The following EIPR1 variants were observed in gnomAD, a reference collection of about 807,000 sequenced individuals.
EIPR1 encodes EARP complex and GARP complex interacting protein 1, also known as EARP and GARP complex-interacting protein 1.
EIPR1 carries 25 observed loss-of-function variants against 48.1 expected under a neutral mutation model. The observed-to-expected ratio is 0.52, with a 90% CI of 0.38 to 0.73. The LOEUF is 0.73. EIPR1 is among the 30% of genes least tolerant of loss of function. The probability of loss-of-function intolerance (pLI) is 0.00; values close to 1 mark genes in which losing one functional copy is unlikely to be tolerated. For synonymous variants in EIPR1, 204 were observed against 201.9 expected, an observed-to-expected ratio of 1.01 and a Z score of -0.09; for missense variants, 415 against 506.2, an observed-to-expected ratio of 0.82 and a Z score of 1.73.
At chr2:3,227,295 T>C (rs917101058) in intron 4 of EIPR1, among the ~76,000 whole-genome samples, 4 of 152,216 alleles carry the variant, frequency 2.6e-5, no homozygotes, top group Non-Finnish European at 4.4e-5. Context: ...TACACTGATA[T>C]GGACAATAAA....
chr2:3,268,516 G>A (rs1342511897), intron 3 of EIPR1, among the ~76,000 whole-genome samples: 1 of 152,180 alleles, frequency 6.6e-6, no homozygotes, highest in Non-Finnish European at 1.5e-5. Context: ...ACCTGAGGGA[G>A]TTTCTTCACA....
At position 3,248,895 on chromosome 2, in the gene EIPR1, T is replaced by C. The variant is rs553144675; in HGVS notation, c.416+8404A>G. Among the ~76,000 whole-genome samples, 17 of 152,338 alleles carry C rather than the reference T, an allele frequency of 1.1e-4. No individual in the cohort carries two copies. In the South Asian group the frequency reaches 3.3e-3, roughly 30 times the overall value. The stretch of plus-strand genomic sequence containing the variant: ...CCTTCCACAATGATTGTAAGTTTCC[T>C]AAAGAATCACCAGGAACAGATGCTG... On this transcript the variant is annotated intron_variant, in intron 4 of 8. Coordinates refer to ENST00000382125, the MANE Select transcript of EIPR1 (RefSeq NM_003310.5).
chr2:3,239,987 A>G (rs1431313523), intron 4 of EIPR1, among the ~76,000 whole-genome samples: 1 of 151,892 alleles, frequency 6.6e-6, no homozygotes, highest in African/African-American at 2.4e-5. Context: ...GATCCTTCCC[A>G]AGGAAAGCCA....
At chr2:3,245,490 G>A (rs963084758) in intron 4 of EIPR1, among the ~76,000 whole-genome samples, 1 of 152,218 alleles carries the variant, frequency 6.6e-6, no homozygotes, top group Non-Finnish European at 1.5e-5. Flanking sequence ...TGAGATTATA[G>A]GCATAAGCCA....
At chr2:3,242,103 C>CT (rs1311141580) in intron 4 of EIPR1, among the ~76,000 whole-genome samples, 3 of 152,236 alleles carry the variant, frequency 2.0e-5, no homozygotes, top group Non-Finnish European at 4.4e-5. Flanking sequence ...GAGCTCCCGA[C>CT]TCGACACCAC....
At chr2:3,357,602 G>A (rs1239847915) in intron 1 of EIPR1, among the ~76,000 whole-genome samples, 1 of 152,134 alleles carries the variant, frequency 6.6e-6, no homozygotes, top group East Asian at 1.9e-4. Context: ...TAAGGCAAAT[G>A]CCAGCCTGTA....
intron 2 of EIPR1, among the ~76,000 whole-genome samples, chr2:3,340,568 C>G (rs937694328): frequency 2.6e-5 from 4 of 152,186 alleles, no homozygotes; most frequent in African/African-American, 4.8e-5. Flanking sequence ...TACTTATGAA[C>G]AGTTTTTTCC....
intron 5 of EIPR1, among the ~76,000 whole-genome samples, chr2:3,213,191 C>T (rs771202639): frequency 3.3e-5 from 5 of 152,202 alleles, no homozygotes; most frequent in African/African-American, 9.7e-5. Flanking sequence ...GTGCCGGCAA[C>T]GCAGCCCCCA....
chr2:3,257,504 CG>C, intron 3 of EIPR1, 49 bp from the exon 4 acceptor site: 1 of 1,598,052 alleles, frequency 6.3e-7, no homozygotes, highest in Non-Finnish European at 8.6e-7. Context: ...CGGTGTGCCC[CG>C]CATTCTGCAG....
At chr2:3,322,757 C>T (rs1287180372) in intron 3 of EIPR1, among the ~76,000 whole-genome samples, 1 of 152,196 alleles carries the variant, frequency 6.6e-6, no homozygotes, top group East Asian at 1.9e-4. Context: ...ATCCCAAATC[C>T]GCCCTTGCAC....
intron 3 of EIPR1, among the ~76,000 whole-genome samples, chr2:3,290,215 A>T (rs1352138321): frequency 6.6e-6 from 1 of 152,230 alleles, no homozygotes; most frequent in Non-Finnish European, 1.5e-5. Context: ...GCTCACCCGG[A>T]TGCAGCCCCC....
At chr2:3,239,979 T>A (rs1156748138) in intron 4 of EIPR1, among the ~76,000 whole-genome samples, 1 of 151,176 alleles carries the variant, frequency 6.6e-6, no homozygotes, top group African/African-American at 2.4e-5. Context: ...AGCCAGCAGA[T>A]CCTTCCCAAG....
rs578223151 is a variant in EIPR1, at chr2:3,312,401, G to C, written c.259+25616C>G. On this transcript the variant is annotated intron_variant, in intron 3 of 8. Transcript: ENST00000382125. This position sits in a 1 kb window ranked among gnomAD's most constrained non-coding sequence, Gnocchi z 5.5. Reference sequence around the variant, plus strand: ...CCCTGGAAGGTTCTGTGTGCCTGCTGTGGGGATGAGACTCACGTCTGAGGG... The same window carrying C: ...CCCTGGAAGGTTCTGTGTGCCTGCTCTGGGGATGAGACTCACGTCTGAGGG... Among the ~76,000 whole-genome samples the C allele has an allele frequency of 1.6e-4, 25 of 152,154 alleles. 1 individual carries two copies. Among genetic ancestry groups the C allele is most frequent in the Non-Finnish European group, 2.9e-4 (20 of 68,028 alleles).
chr2:3,281,475 G>A (rs757238754), intron 3 of EIPR1, among the ~76,000 whole-genome samples: 21 of 151,934 alleles, frequency 1.4e-4, no homozygotes, highest in Non-Finnish European at 2.8e-4. Context: ...GCAAAACGAT[G>A]GAAAAAGGCA....
chr2:3,313,168 T>C (rs1460249228), intron 3 of EIPR1, among the ~76,000 whole-genome samples: 1 of 152,132 alleles, frequency 6.6e-6, no homozygotes, highest in Admixed American at 6.5e-5. Context: ...TTCTTCCCAC[T>C]GGGGGCCAGA....
At chr2:3,210,827 C>A (rs141425714) in intron 5 of EIPR1, among the ~76,000 whole-genome samples, 2 of 151,926 alleles carry the variant, frequency 1.3e-5, no homozygotes, top group Non-Finnish European at 2.9e-5. Flanking sequence ...TTAGTAGAGA[C>A]GGGGTTTCAC....
intron 3 of EIPR1, among the ~76,000 whole-genome samples, chr2:3,310,883 T>TC (rs1669110146): frequency 6.6e-6 from 1 of 152,118 alleles, no homozygotes; most frequent in African/African-American, 2.4e-5. Context: ...AATTTTTTTT[T>TC]CAAATAAACA....
In EIPR1 at chr2:3,285,523, C is replaced by G. The variant is rs1668156360; in HGVS notation, c.260-28068G>C. Reference sequence around the variant, plus strand: ...GTTTGCTTGTTTTCTTTCAGAAGTGCTCCATAAGAATTAAAGTGTTGGAGT... The same window carrying G: ...GTTTGCTTGTTTTCTTTCAGAAGTGGTCCATAAGAATTAAAGTGTTGGAGT... On this transcript the variant is annotated intron_variant, in intron 3 of 8. Transcript: ENST00000382125. 2.6e-5 allele frequency among the ~76,000 whole-genome samples: 4 copies of G among 152,346 alleles called. No individual in the cohort carries two copies. The South Asian group carries it at 6.2e-4, about 24-fold the overall frequency.
intron 3 of EIPR1, among the ~76,000 whole-genome samples, chr2:3,307,394 T>C (rs1668980100): frequency 6.6e-6 from 1 of 152,128 alleles, no homozygotes; most frequent in South Asian, 2.1e-4. Context: ...GTAGAGGGCA[T>C]TGGGGTGGGT....
Sources: allele counts gnomAD v4.1 joint callset (sites outside exome capture counted in the v4.1 genomes callset), GRCh38; gene constraint gnomAD v4.1.1; non-coding constraint Gnocchi (gnomAD v3.1); transcripts MANE v1.5; gene names NCBI Gene and HGNC (gene_info 2026-07-23, HGNC 2026-07-21).